Variants in FGL1 observed in about 807,000 individuals in gnomAD.
The protein encoded by FGL1 is fibrinogen-like protein 1.
In FGL1, 59 loss-of-function variants were observed where a neutral mutation model predicts 43.7. The observed-to-expected ratio is 1.35, with a 90% CI of 1.10 to 1.68. FGL1 has a LOEUF of 1.68. FGL1 is among the 40% of genes most tolerant of loss of function. The probability of loss-of-function intolerance (pLI) is 0.00; values close to 1 mark genes in which losing one functional copy is unlikely to be tolerated. For synonymous variants in FGL1, 192 were observed against 126.5 expected, an observed-to-expected ratio of 1.52 and a Z score of -3.48; for missense variants, 596 against 373.0, an observed-to-expected ratio of 1.60 and a Z score of -4.92.
At chr8:17,875,263 G>A (rs1206906573) in intron 3 of FGL1, among the ~76,000 whole-genome samples, 2 of 152,100 alleles carry the variant, frequency 1.3e-5, no homozygotes, top group Non-Finnish European at 2.9e-5. Flanking sequence ...ATGTTGGTGT[G>A]CTGCACCCAT....
At chr8:17,889,911 A>T (rs547064433) in intron 1 of FGL1, among the ~76,000 whole-genome samples, 1 of 152,316 alleles carries the variant, frequency 6.6e-6, no homozygotes, top group Non-Finnish European at 1.5e-5. Flanking sequence ...ATACCAAAAA[A>T]ATAGGTTCAA....
At chr8:17,882,949 T>C (rs1208439202) in intron 2 of FGL1, among the ~76,000 whole-genome samples, 1 of 101,782 alleles carries the variant, frequency 9.8e-6, no homozygotes, top group Non-Finnish European at 1.7e-5. Context: ...TTAAATAATA[T>C]ATAATATATA....
In FGL1 at chr8:17,864,703, C is replaced by T. The variant is rs141323626; in HGVS notation, c.828G>A (p.Thr276=). 236 of 1,612,658 alleles carry T rather than the reference C, an allele frequency of 1.5e-4. 1 individual carries two copies. The highest frequency in any genetic ancestry group is 2.0e-4 in the Admixed American group (12 of 59,552). ...AGACAATCCCATTGTCTGTTTTAGC[C>T]GTGTAGGGGCCGCTGTAGTATACAC... ...LNGVYYSGPY[T]AKTDNGIVWY... The change falls in exon 8 of 8, where the codon ACG becomes ACA. Residue 276 remains threonine, a synonymous_variant. Transcript: ENST00000427924.
At chr8:17,888,717 C>A (rs541428214) in intron 1 of FGL1, among the ~76,000 whole-genome samples, 20 of 152,044 alleles carry the variant, frequency 1.3e-4, no homozygotes, top group Admixed American at 1.2e-3. Flanking sequence ...AGATATAAAT[C>A]AATAGTCAAT....
At chr8:17,889,578 T>G (rs1585151684) in intron 1 of FGL1, among the ~76,000 whole-genome samples, 1 of 152,074 alleles carries the variant, frequency 6.6e-6, no homozygotes, top group African/African-American at 2.4e-5. Flanking sequence ...CAAAACACTA[T>G]CAAATTTTAA....
chr8:17,893,446 A>G (rs1031379986), intron 1 of FGL1, among the ~76,000 whole-genome samples: 29 of 150,140 alleles, frequency 1.9e-4, no homozygotes, highest in African/African-American at 6.6e-4. Context: ...TACATTATAT[A>G]AGGTATATAA....
At chr8:17,867,414 G>A (rs1265563988) in intron 7 of FGL1, among the ~76,000 whole-genome samples, 2 of 151,834 alleles carry the variant, frequency 1.3e-5, no homozygotes, top group African/African-American at 2.4e-5. Context: ...TTTGGGTGTA[G>A]GAAGGAAAAA....
chr8:17,864,764 A>G lies in FGL1; in HGVS notation c.780-13T>C, dbSNP rs556164583. The G allele has an allele frequency of 1.5e-5, 22 of 1,431,494 alleles. No homozygotes were observed. In the South Asian group the frequency reaches 3.6e-4, roughly 23 times the overall value. The allele number at this position is 1,431,494 out of a possible 1,614,324, so 88.7% of individuals were successfully genotyped here. On this transcript the variant is annotated splice_polypyrimidine_tract_variant and intron_variant, in intron 7 of 7. Transcript: ENST00000427924. ...TGCAGAGTGACACCTAGTGGAAGGGAGAAAAAAAAAGAAAACAACAATCAG... is the reference window on the plus strand; with the variant it reads ...TGCAGAGTGACACCTAGTGGAAGGGGGAAAAAAAAAGAAAACAACAATCAG...
At chr8:17,879,225 A>G (rs2517313) in intron 3 of FGL1, among the ~76,000 whole-genome samples, 105,638 of 151,456 alleles carry the variant, frequency 0.7, 37,372 homozygotes, top group Non-Finnish European at 0.76. Context: ...AAGCATCTCT[A>G]TATGACTCTT....
intron 4 of FGL1, 97 bp from the exon 5 acceptor site, chr8:17,874,213 T>C (rs774184250): frequency 5.0e-5 from 67 of 1,350,508 alleles, no homozygotes; most frequent in Non-Finnish European, 4.6e-5. Context: ...TCCAATATTT[T>C]CTTGATTAGT....
Position 17,867,128 on chromosome 8 carries a change from C to T in FGL1, c.779+1420G>A, listed in dbSNP as rs36086805. 3.6e-3 allele frequency among the ~76,000 whole-genome samples: 553 copies of T among 152,292 alleles called. 2 individuals are homozygous for T. Among genetic ancestry groups the T allele is most frequent in the African/African-American group, 0.012 (513 of 41,566 alleles). On this transcript the variant is annotated intron_variant, in intron 7 of 7. Coordinates refer to ENST00000427924, the MANE Select transcript of FGL1 (RefSeq NM_004467.4). ...GACTATTTTTACAACAGCAGTAGTA[C>T]TCCCTTATCTGCAGGGGATACGTTC...
At chr8:17,878,155 T>C (rs2053484522) in intron 3 of FGL1, among the ~76,000 whole-genome samples, 1 of 152,112 alleles carries the variant, frequency 6.6e-6, no homozygotes, top group South Asian at 2.1e-4. Context: ...TCTCACTATG[T>C]TGCCCAGGCT....
At chr8:17,881,668 C>T (rs34301204) in intron 3 of FGL1, among the ~76,000 whole-genome samples, 8,390 of 150,754 alleles carry the variant, frequency 0.056, 767 homozygotes, top group African/African-American at 0.19. Flanking sequence ...CCTGCCTCTA[C>T]TAAAAATACA....
intron 7 of FGL1, among the ~76,000 whole-genome samples, chr8:17,866,072 T>C (rs1046811416): frequency 2.0e-5 from 3 of 152,234 alleles, no homozygotes; most frequent in Non-Finnish European, 4.4e-5. Flanking sequence ...TATTTTGGCA[T>C]ATATTTGTCT....
At position 17,893,907 on chromosome 8, in the gene FGL1, C is replaced by G. The variant is rs1222978245; in HGVS notation, c.-18+1540G>C. 2.2e-4 allele frequency among the ~76,000 whole-genome samples: 32 copies of G among 146,890 alleles called. 1 individual carries two copies. Among genetic ancestry groups the G allele is most frequent in the Admixed American group, 2.1e-3 (32 of 14,978 alleles). On this transcript the variant is annotated intron_variant, in intron 1 of 7. Coordinates refer to ENST00000427924, the MANE Select transcript of FGL1 (RefSeq NM_004467.4). ...ATTTATTGCACAATTAGTTGTATTT[C>G]TTTTATAATATTTTTGCCTTAGGCA...
intron 5 of FGL1, among the ~76,000 whole-genome samples, chr8:17,872,085 G>T (rs1290970458): frequency 6.6e-6 from 1 of 151,958 alleles, no homozygotes; most frequent in Non-Finnish European, 1.5e-5. Context: ...ATATGTTGAA[G>T]GAAAGGAAGC....
At chr8:17,891,099 G>T (rs1463592437) in intron 1 of FGL1, among the ~76,000 whole-genome samples, 1 of 152,130 alleles carries the variant, frequency 6.6e-6, no homozygotes, top group Non-Finnish European at 1.5e-5. Flanking sequence ...CAACCGCCCT[G>T]TACAATGTAA....
rs2653406 is a variant in FGL1 at position 17,874,452 on chromosome 8, G to A, written c.314C>T (p.Pro105Leu). 0.094 allele frequency: 151,446 copies of A among 1,613,538 alleles called. 8,466 individuals are homozygous for A. The highest frequency in any genetic ancestry group is 0.25 in the African/African-American group (18,488 of 74,952). The change falls in exon 4 of 8, where the codon CCA (proline) becomes CTA (leucine). Residue 105 changes from proline (P) to leucine (L), a missense_variant. By Grantham distance (98) the Pro-to-Leu change is moderately conservative. Coordinates refer to ENST00000427924, the MANE Select transcript of FGL1 (RefSeq NM_004467.4). ...GFYKIKPLQSPAEFSVYCDMS... is the reference protein window; with the variant it reads ...GFYKIKPLQSLAEFSVYCDMS... ...GTCACAATAAACAGAAAATTCTGCT[G>A]GGCTCTGGAGAGGTTTGATTTTGTA... is the stretch of plus-strand genomic sequence containing the variant.
intron 3 of FGL1, among the ~76,000 whole-genome samples, chr8:17,881,270 G>T (rs1563456183): frequency 6.6e-6 from 1 of 151,652 alleles, no homozygotes; most frequent in Non-Finnish European, 1.5e-5. Flanking sequence ...CCAGGTAGCT[G>T]GGACTACAGG....
Sources: gnomAD v4.1 joint callset for allele counts (sites outside exome capture counted in the v4.1 genomes callset) on GRCh38, gnomAD v4.1.1 for gene constraint, MANE v1.5 for transcripts, NCBI Gene and HGNC (gene_info 2026-07-23, HGNC 2026-07-21) for gene names.